HCN1: variants seen among roughly 807,000 people sequenced by gnomAD.
HCN1 encodes potassium/sodium hyperpolarization-activated cyclic nucleotide-gated channel 1.
HCN1 carries 13 observed loss-of-function variants against 78.9 expected under a neutral mutation model. The ratio of observed to expected loss-of-function variants is 0.16; its 90% CI spans 0.11 to 0.26. HCN1 has a LOEUF of 0.26. HCN1 is among the 10% of genes least tolerant of loss of function. The probability of loss-of-function intolerance (pLI) is 1.00; values close to 1 mark genes in which losing one functional copy is unlikely to be tolerated. For synonymous variants in HCN1, 552 were observed against 455.5 expected (o/e 1.21, Z -2.70); for missense variants, 810 against 1,154.3 (o/e 0.70, Z 4.32).
At chr5:45,373,290 T>G (rs1428217503) in intron 4 of HCN1, among the ~76,000 whole-genome samples, 1 of 119,372 alleles carries the variant, frequency 8.4e-6, no homozygotes, top group Non-Finnish European at 1.6e-5. Context: ...TATTATATAT[T>G]ATATATATTT....
At chr5:45,324,344 T>C (rs1219441514) in intron 5 of HCN1, among the ~76,000 whole-genome samples, 1 of 151,866 alleles carries the variant, frequency 6.6e-6, no homozygotes. Context: ...GGGTGAAAGA[T>C]ATGAAGAGAC....
intron 5 of HCN1, among the ~76,000 whole-genome samples, chr5:45,315,308 A>G (rs1315619045): frequency 6.6e-6 from 1 of 152,220 alleles, no homozygotes; most frequent in Non-Finnish European, 1.5e-5. Context: ...CTGCTCCTGA[A>G]TGACTACTGG....
intron 3 of HCN1, among the ~76,000 whole-genome samples, chr5:45,398,614 C>G (rs1437038907): frequency 6.6e-6 from 1 of 152,070 alleles, no homozygotes; most frequent in African/African-American, 2.4e-5. Context: ...AGTGTTTCTT[C>G]TGATATTTCC....
At chr5:45,485,492 AAC>A (rs373263658) in intron 2 of HCN1, among the ~76,000 whole-genome samples, 12 of 152,294 alleles carry the variant, frequency 7.9e-5, no homozygotes, top group South Asian at 2.1e-4. Flanking sequence ...AATAAAACAA[AAC>A]AGTTTTTTCA....
At chr5:45,524,816 G>T (rs1358693992) in intron 2 of HCN1, among the ~76,000 whole-genome samples, 1 of 152,140 alleles carries the variant, frequency 6.6e-6, no homozygotes, top group Non-Finnish European at 1.5e-5. Context: ...GGGACAATTT[G>T]ACTTCCTCTT....
intron 1 of HCN1, among the ~76,000 whole-genome samples, chr5:45,660,057 G>C (rs1447458358): frequency 1.7e-5 from 2 of 119,698 alleles, no homozygotes; most frequent in Non-Finnish European, 3.4e-5. Context: ...CAGAGAGAAA[G>C]GTCGGGTTAC....
intron 2 of HCN1, among the ~76,000 whole-genome samples, chr5:45,541,935 G>A (rs1743113727): frequency 6.6e-6 from 1 of 152,070 alleles, no homozygotes; most frequent in Non-Finnish European, 1.5e-5. Context: ...ATAAGCTACT[G>A]AGTTGCCACA....
chr5:45,530,857 G>A (rs1446505252), intron 2 of HCN1, among the ~76,000 whole-genome samples: 1 of 151,934 alleles, frequency 6.6e-6, no homozygotes, highest in East Asian at 1.9e-4. Context: ...TCTTTCCCAA[G>A]GTCACACAGC....
chr5:45,537,591 T>A (rs1363259685), intron 2 of HCN1, among the ~76,000 whole-genome samples: 1 of 125,200 alleles, frequency 8.0e-6, no homozygotes, highest in Non-Finnish European at 1.6e-5. Flanking sequence ...CAGGCTGGAG[T>A]GAAGTGGCGA....
intron 4 of HCN1, among the ~76,000 whole-genome samples, chr5:45,354,176 C>T (rs1371640594): frequency 2.0e-5 from 3 of 151,754 alleles, no homozygotes; most frequent in African/African-American, 7.3e-5. Context: ...TCATCCAAGA[C>T]CTATGGAATA....
intron 7 of HCN1, among the ~76,000 whole-genome samples, chr5:45,265,860 A>C (rs972697518): frequency 6.6e-6 from 1 of 152,204 alleles, no homozygotes; most frequent in Non-Finnish European, 1.5e-5. Flanking sequence ...CTCTAGAGCC[A>C]GTAATAAAAG....
Position 45,607,172 on chromosome 5 carries a change from T to C in HCN1, c.849+38013A>G, listed in dbSNP as rs184242287. On this transcript the variant is annotated intron_variant, in intron 2 of 7. Coordinates refer to ENST00000303230, the MANE Select transcript of HCN1 (RefSeq NM_021072.4). ...ATGACTAAAGTAGAAATAACACGAT[T>C]TAAATAACAATTTGAAAACTGAATT... 2.2e-4 allele frequency among the ~76,000 whole-genome samples: 34 copies of C among 151,850 alleles called. No individual in the cohort carries two copies. In the East Asian group the frequency reaches 6.4e-3, roughly 29 times the overall value.
chr5:45,610,129 A>G (rs1744804959), intron 2 of HCN1, among the ~76,000 whole-genome samples: 1 of 152,164 alleles, frequency 6.6e-6, no homozygotes, highest in South Asian at 2.1e-4. Context: ...TATAGAGGGT[A>G]TACTTAAAAG....
chr5:45,306,793 T>G (rs1382159057), intron 5 of HCN1, among the ~76,000 whole-genome samples: 2 of 152,112 alleles, frequency 1.3e-5, no homozygotes, highest in African/African-American at 2.4e-5. Context: ...TAGCTCTTTT[T>G]ATCAAAATAT....
At chr5:45,349,154 A>C in intron 5 of HCN1, among the ~76,000 whole-genome samples, 1 of 152,210 alleles carries the variant, frequency 6.6e-6, no homozygotes, top group Non-Finnish European at 1.5e-5. Flanking sequence ...GTAAAAGAAC[A>C]GAAATTATAA....
At chr5:45,289,715 A>C (rs1370785659) in intron 6 of HCN1, among the ~76,000 whole-genome samples, 1 of 152,070 alleles carries the variant, frequency 6.6e-6, no homozygotes, top group Non-Finnish European at 1.5e-5. Context: ...GAATCTTCTT[A>C]TTCTATTCAG....
At chr5:45,689,547 T>C (rs1739868225) in intron 1 of HCN1, among the ~76,000 whole-genome samples, 1 of 152,118 alleles carries the variant, frequency 6.6e-6, no homozygotes, top group African/African-American at 2.4e-5. Context: ...TGTGGAGTGA[T>C]AAAAAGTGAA....
At chr5:45,312,456 T>G (rs904328836) in intron 5 of HCN1, among the ~76,000 whole-genome samples, 1 of 152,126 alleles carries the variant, frequency 6.6e-6, no homozygotes, top group Non-Finnish European at 1.5e-5. Flanking sequence ...AGAAGACGGA[T>G]GATTTCTGCA....
chr5:45,487,225 T>A (rs1741787241), intron 2 of HCN1, among the ~76,000 whole-genome samples: 1 of 152,060 alleles, frequency 6.6e-6, no homozygotes, highest in Non-Finnish European at 1.5e-5. Context: ...GAAAAATGTT[T>A]TTGATTAATA....
Sources: allele counts gnomAD v4.1 joint callset (sites outside exome capture counted in the v4.1 genomes callset), GRCh38; gene constraint gnomAD v4.1.1; transcripts MANE v1.5; gene names NCBI Gene and HGNC (gene_info 2026-07-23, HGNC 2026-07-21).